The following ANKRD61 variants were observed in gnomAD, a reference collection of about 807,000 sequenced individuals.
The protein encoded by ANKRD61 is ankyrin repeat domain 61, also known as ankyrin repeat domain-containing protein 61.
In ANKRD61, 7 loss-of-function variants were observed where a neutral mutation model predicts 8.4. The observed-to-expected ratio is 0.84, with a 90% confidence interval of 0.48 to 1.57. The LOEUF (loss-of-function observed/expected upper bound fraction) is 1.57, where lower values mean the gene tolerates loss of function less well. Ranked by LOEUF, ANKRD61 falls within the 40% of genes most tolerant of loss-of-function variation. ANKRD61 has a pLI of 0.00. For synonymous variants in ANKRD61, 198 were observed against 208.0 expected, an observed-to-expected ratio of 0.95 and a Z score of 0.41; for missense variants, 516 against 523.4, an observed-to-expected ratio of 0.99 and a Z score of 0.14.
Position 6,035,633 on chromosome 7 carries a change from A to C in ANKRD61, c.504A>C (p.Lys168Asn), listed in dbSNP as rs1037936740. Reference sequence around the variant, plus strand: ...ACACTCAAGGGGAAATCAGCAACAAACGTTCACCACTCCACCTGGCCATAG... The same window carrying C: ...ACACTCAAGGGGAAATCAGCAACAACCGTTCACCACTCCACCTGGCCATAG... Reference protein sequence around the residue: ...QVNTQGEISNKRSPLHLAIAY... With the variant: ...QVNTQGEISNNRSPLHLAIAY... The change falls in exon 3 of 3, where the codon AAA (lysine) becomes AAC (asparagine). Residue 168 changes from lysine (K) to asparagine (N), a missense_variant. By Grantham distance (94) the Lys-to-Asn change is moderately conservative. Coordinates refer to ENST00000409061, the MANE Select transcript of ANKRD61 (RefSeq NM_001271700.2). The surrounding 1 kb of genome is among the most constrained non-coding windows in gnomAD (Gnocchi z 5.5). The C allele has an allele frequency of 6.4e-6, 10 of 1,550,592 alleles. No individual in the cohort carries two copies. Among genetic ancestry groups the C allele is most frequent in the East Asian group, 2.4e-5 (1 of 40,922 alleles).
In ANKRD61 at chr7:6,034,152, CAA is replaced by C. The variant is rs1346722018; in HGVS notation, c.314+1220_314+1221del. Among the ~76,000 whole-genome samples, 8 of 151,668 alleles carry C rather than the reference CAA, an allele frequency of 5.3e-5. 1 individual carries two copies. In the East Asian group the frequency reaches 1.6e-3, roughly 30 times the overall value. On this transcript the variant is annotated intron_variant, in intron 2 of 2. Coordinates refer to ENST00000409061, the MANE Select transcript of ANKRD61 (RefSeq NM_001271700.2). ...TGAAACCTCATCTCTACTAAAAATA[CAA>C]AAACTAGCCAGGCGTGGTGGCGGGC...
At position 6,035,430 on chromosome 7, in the gene ANKRD61, A is replaced by G. The variant is rs1788048695; in HGVS notation, c.315-14A>G. ...TGTGAATTCAGTGTAACGTGTAATCAATACCCATTCTAGGGACACGACAGG... is the reference window on the plus strand; with the variant it reads ...TGTGAATTCAGTGTAACGTGTAATCGATACCCATTCTAGGGACACGACAGG... On this transcript the variant is annotated splice_polypyrimidine_tract_variant and intron_variant, in intron 2 of 2. Coordinates refer to ENST00000409061, the MANE Select transcript of ANKRD61 (RefSeq NM_001271700.2). The surrounding 1 kb of genome is among the most constrained non-coding windows in gnomAD (Gnocchi z 5.5). 6.5e-7 allele frequency: 1 copy of G among 1,545,026 alleles called. No homozygotes were observed. Among genetic ancestry groups the G allele is most frequent in the African/African-American group, 1.4e-5 (1 of 72,962 alleles).
Position 6,035,946 on chromosome 7 carries a change from G to T in ANKRD61, c.817G>T (p.Ala273Ser). Residue 273 changes from alanine to serine, a missense_variant, in exon 3 of 3, where the codon GCC becomes TCC. By Grantham distance (99) the Ala-to-Ser change is moderately conservative. Coordinates refer to ENST00000409061, the MANE Select transcript of ANKRD61 (RefSeq NM_001271700.2). This position sits in a 1 kb window ranked among gnomAD's most constrained non-coding sequence, Gnocchi z 5.5. ...ACTCACTCACGGAGCCAAAGTCAACGCCCAGGACTACAAGGGCCAAACAGC... is the reference window on the plus strand; with the variant it reads ...ACTCACTCACGGAGCCAAAGTCAACTCCCAGGACTACAAGGGCCAAACAGC... ...LLLTHGAKVN[A>S]QDYKGQTAIH... The T allele has an allele frequency of 6.5e-7, 1 of 1,548,514 alleles. No homozygotes were observed. Among genetic ancestry groups the T allele is most frequent in the Non-Finnish European group, 8.7e-7 (1 of 1,145,518 alleles).
At chr7:6,034,520 G>C (rs1788017879) in intron 2 of ANKRD61, among the ~76,000 whole-genome samples, 1 of 152,040 alleles carries the variant, frequency 6.6e-6, no homozygotes, top group Admixed American at 6.6e-5. Context: ...CACTATGTGA[G>C]GCTTCTGCAC....
rs763560121 is a variant in ANKRD61, at chr7:6,031,449, C to A, written c.74C>A (p.Ser25Tyr). 5.8e-5 allele frequency: 90 copies of A among 1,550,716 alleles called. No individual in the cohort carries two copies. The highest frequency in any genetic ancestry group is 7.4e-5 in the Non-Finnish European group (85 of 1,147,050). ...GCCAAGTCCCTGGAAGATGGCCCATCTGCAGCACTTCACTCGAAACTCTAT... is the reference window on the plus strand; with the variant it reads ...GCCAAGTCCCTGGAAGATGGCCCATATGCAGCACTTCACTCGAAACTCTAT... ...DSAKSLEDGP[S>Y]AALHSKLYEA... The change falls in exon 1 of 3, where the codon TCT becomes TAT. Residue 25 changes from serine (S) to tyrosine (Y), a missense_variant. Transcript: ENST00000409061.
rs771758215 is a variant in ANKRD61, at chr7:6,036,079, T to A, written c.950T>A (p.Met317Lys). The change falls in exon 3 of 3, where the codon ATG becomes AAG. Residue 317 changes from methionine to lysine, a missense_variant. Coordinates refer to ENST00000409061, the MANE Select transcript of ANKRD61 (RefSeq NM_001271700.2). This position sits in a 1 kb window ranked among gnomAD's most constrained non-coding sequence, Gnocchi z 4.6. ...AGAAACGGGGAATCTCCAATTTATA[T>A]GTACCTTCAGCGCAGTTGCAATGTA... ...LTRNGESPIY[M>K]YLQRSCNVRD... 3 of 1,551,062 alleles carry A rather than the reference T, an allele frequency of 1.9e-6. No individual in the cohort carries two copies. The highest frequency in any genetic ancestry group is 2.6e-6 in the Non-Finnish European group (3 of 1,147,110).
At position 6,035,330 on chromosome 7, in the gene ANKRD61, A is replaced by T; in HGVS notation, c.315-114A>T. On this transcript the variant is annotated intron_variant, in intron 2 of 2. Coordinates refer to ENST00000409061, the MANE Select transcript of ANKRD61 (RefSeq NM_001271700.2). This position sits in a 1 kb window ranked among gnomAD's most constrained non-coding sequence, Gnocchi z 5.5. ...ATACAGATTTTGAAACACGTCCTTAAGGTAATTGAAGGGTCTTACTTTAAA... is the reference window on the plus strand; with the variant it reads ...ATACAGATTTTGAAACACGTCCTTATGGTAATTGAAGGGTCTTACTTTAAA... 1 of 1,030,570 alleles carries T rather than the reference A, an allele frequency of 9.7e-7. No individual in the cohort carries two copies. Among genetic ancestry groups the T allele is most frequent in the Non-Finnish European group, 1.4e-6 (1 of 718,534 alleles). 63.8% of individuals were successfully genotyped at this position (1,030,570 alleles called of 1,614,324 possible). A position where few individuals can be genotyped will look rare whatever the true frequency, so the allele number is the denominator to read the frequency against.
chr7:6,031,850 A>C (rs1787921188), intron 1 of ANKRD61, among the ~76,000 whole-genome samples: 1 of 152,170 alleles, frequency 6.6e-6, no homozygotes. Context: ...ACATACCCAC[A>C]GTGATGATCT....
chr7:6,032,784 C>G lies in ANKRD61; in HGVS notation c.217-55C>G. 7.1e-7 allele frequency: 1 copy of G among 1,402,494 alleles called. No homozygotes were observed. The allele number at this position is 1,402,494 out of a possible 1,614,324, so 86.9% of individuals were successfully genotyped here. On this transcript the variant is annotated intron_variant, in intron 1 of 2. Transcript: ENST00000409061. This position sits in a 1 kb window ranked among gnomAD's most constrained non-coding sequence, Gnocchi z 4.3. ...CTTTGAAACGGCAAGCTAACACAAACAGTATTTTTAACTACACAGGGCCAC... is the reference window on the plus strand; with the variant it reads ...CTTTGAAACGGCAAGCTAACACAAAGAGTATTTTTAACTACACAGGGCCAC...
chr7:6,032,523 G>A lies in ANKRD61; in HGVS notation c.217-316G>A, dbSNP rs553193250. 1.3e-5 allele frequency among the ~76,000 whole-genome samples: 2 copies of A among 152,326 alleles called. No individual in the cohort carries two copies. The highest frequency in any genetic ancestry group is 2.4e-5 in the African/African-American group (1 of 41,574). On this transcript the variant is annotated intron_variant, in intron 1 of 2. Transcript: ENST00000409061. This position sits in a 1 kb window ranked among gnomAD's most constrained non-coding sequence, Gnocchi z 4.3. ...AATTTAAGGAATAAGTGACTTCATA[G>A]CAAGTACCCTTAATATCACACCACA...
In ANKRD61 at chr7:6,033,054, T is replaced by A; in HGVS notation, c.314+118T>A. On this transcript the variant is annotated intron_variant, in intron 2 of 2. Coordinates refer to ENST00000409061, the MANE Select transcript of ANKRD61 (RefSeq NM_001271700.2). This position sits in a 1 kb window ranked among gnomAD's most constrained non-coding sequence, Gnocchi z 4.4. ...CACAATCTCGCCTCACTGCAACCTC[T>A]ACTTCCTGGGTTCAAGAGCTTCTCC... 1.2e-6 allele frequency: 1 copy of A among 821,758 alleles called. No homozygotes were observed. The highest frequency in any genetic ancestry group is 1.7e-5 in the South Asian group (1 of 58,204). The allele number at this position is 821,758 out of a possible 1,614,324, so 50.9% of individuals were successfully genotyped here. A position where few individuals can be genotyped will look rare whatever the true frequency, so the allele number is the denominator to read the frequency against.
chr7:6,034,194 C>G (rs1788002398), intron 2 of ANKRD61, among the ~76,000 whole-genome samples: 1 of 151,948 alleles, frequency 6.6e-6, no homozygotes, highest in Admixed American at 6.6e-5. Context: ...GTAGTCCCAG[C>G]TACTCGGGAG....
Position 6,036,266 on chromosome 7 carries a change from C to T in ANKRD61, c.1137C>T (p.Ile379=). The T allele has an allele frequency of 6.5e-7, 1 of 1,549,964 alleles. No homozygotes were observed. The part of the protein sequence containing the change: ...QSQKPLSLQG[I]CKRNIRNIYG... Reference sequence around the variant, plus strand: ...AAAAACCTTTATCCCTACAGGGTATCTGCAAAAGAAACATCAGGAATATTT... The same window carrying T: ...AAAAACCTTTATCCCTACAGGGTATTTGCAAAAGAAACATCAGGAATATTT... Residue 379 remains isoleucine, a synonymous_variant, in exon 3 of 3, where the codon ATC becomes ATT. Coordinates refer to ENST00000409061, the MANE Select transcript of ANKRD61 (RefSeq NM_001271700.2). The surrounding 1 kb of genome is among the most constrained non-coding windows in gnomAD (Gnocchi z 4.6).
In ANKRD61 at chr7:6,035,512, C is replaced by T. The variant is rs1788052110; in HGVS notation, c.383C>T (p.Ala128Val). ...TGGCCAGTCACTTCCACCACGTGGG[C>T]AAAACCAGGCAACAGAACGCACAGG... ...LHWPVTSTTWAKPGNRTHRIL... is the reference protein window; with the variant it reads ...LHWPVTSTTWVKPGNRTHRIL... The change falls in exon 3 of 3, where the codon GCA becomes GTA. Residue 128 changes from alanine to valine, a missense_variant. Coordinates refer to ENST00000409061, the MANE Select transcript of ANKRD61 (RefSeq NM_001271700.2). The surrounding 1 kb of genome is among the most constrained non-coding windows in gnomAD (Gnocchi z 5.5). 1 of 1,551,180 alleles carries T rather than the reference C, an allele frequency of 6.4e-7. No homozygotes were observed.
chr7:6,035,026 C>T lies in ANKRD61; in HGVS notation c.315-418C>T, dbSNP rs1032218155. Among the ~76,000 whole-genome samples, 1 of 152,154 alleles carries T rather than the reference C, an allele frequency of 6.6e-6. No individual in the cohort carries two copies. Among genetic ancestry groups the T allele is most frequent in the Admixed American group, 6.5e-5 (1 of 15,268 alleles). Reference sequence around the variant, plus strand: ...TCACACTCAAGTCCACACAATTTCACAGAAAGCCAGTAACCCAGCCCAGCA... The same window carrying T: ...TCACACTCAAGTCCACACAATTTCATAGAAAGCCAGTAACCCAGCCCAGCA... On this transcript the variant is annotated intron_variant, in intron 2 of 2. Coordinates refer to ENST00000409061, the MANE Select transcript of ANKRD61 (RefSeq NM_001271700.2). This position sits in a 1 kb window ranked among gnomAD's most constrained non-coding sequence, Gnocchi z 5.5.
Position 6,035,543 on chromosome 7 carries a change from G to C in ANKRD61, c.414G>C (p.Leu138=), listed in dbSNP as rs1336660240. The C allele has an allele frequency of 5.5e-5, 86 of 1,551,064 alleles. No homozygotes were observed. Among genetic ancestry groups the C allele is most frequent in the Non-Finnish European group, 7.0e-5 (80 of 1,147,144 alleles). ...CAGGCAACAGAACGCACAGGATCCT[G>C]ACAGACATTCAGAATAGCAGCATCA... ...AKPGNRTHRI[L]TDIQNSSITC... The change falls in exon 3 of 3, where the codon CTG becomes CTC. Residue 138 remains leucine (L), a synonymous_variant. Transcript: ENST00000409061. This position sits in a 1 kb window ranked among gnomAD's most constrained non-coding sequence, Gnocchi z 5.5.
Position 6,032,510 on chromosome 7 carries a change from A to G in ANKRD61, c.217-329A>G, listed in dbSNP as rs535113234. ...CACCCTGTGGGTTAATTTAAGGAAT[A>G]AGTGACTTCATAGCAAGTACCCTTA... On this transcript the variant is annotated intron_variant, in intron 1 of 2. Transcript: ENST00000409061. The surrounding 1 kb of genome is among the most constrained non-coding windows in gnomAD (Gnocchi z 4.3). Among the ~76,000 whole-genome samples, 1 of 152,356 alleles carries G rather than the reference A, an allele frequency of 6.6e-6. No individual in the cohort carries two copies. Among genetic ancestry groups the G allele is most frequent in the South Asian group, 2.1e-4 (1 of 4,828 alleles).
intron 1 of ANKRD61, 82 bp downstream of exon 1, chr7:6,031,673 C>T (rs1363537528): frequency 2.2e-6 from 3 of 1,366,544 alleles, no homozygotes; most frequent in East Asian, 5.0e-5. Flanking sequence ...GGTGAACCCA[C>T]TAAGCTCACG....
rs1788056010 is a variant in ANKRD61, at chr7:6,035,626, GC to G, written c.498del (p.Ser166ArgfsTer11). On this transcript the variant is annotated frameshift_variant, in exon 3 of 3. Coordinates refer to ENST00000409061, the MANE Select transcript of ANKRD61 (RefSeq NM_001271700.2). LOFTEE classifies it low-confidence loss of function (END_TRUNC). This position sits in a 1 kb window ranked among gnomAD's most constrained non-coding sequence, Gnocchi z 5.5. ...GAQVNTQGEI[S>X]NKRSPLHLAI... ...CAAGTGAACACTCAAGGGGAAATCA[GC>G]AACAAACGTTCACCACTCCACCTGG... The G allele has an allele frequency of 6.4e-7, 1 of 1,550,750 alleles. No homozygotes were observed. Among genetic ancestry groups the G allele is most frequent in the Non-Finnish European group, 8.7e-7 (1 of 1,147,074 alleles).
Sources: allele counts gnomAD v4.1 joint callset (sites outside exome capture counted in the v4.1 genomes callset), GRCh38; gene constraint gnomAD v4.1.1; non-coding constraint Gnocchi (gnomAD v3.1); transcripts MANE v1.5; gene names NCBI Gene and HGNC (gene_info 2026-07-23, HGNC 2026-07-21).